Variants in DENND1A observed in about 807,000 individuals in gnomAD.
DENND1A encodes the protein DENN domain containing 1A, also known as DENN domain-containing protein 1A.
In DENND1A, 51 loss-of-function variants were observed where a neutral mutation model predicts 113.7. That is an observed-to-expected ratio of 0.45 (90% CI 0.36 to 0.57). The LOEUF (loss-of-function observed/expected upper bound fraction) is 0.57. Among genes scored for constraint, DENND1A ranks in the 20% least tolerant of loss-of-function variants. The probability of loss-of-function intolerance (pLI) is 0.00; values close to 1 mark genes in which losing one functional copy is unlikely to be tolerated. For synonymous variants in DENND1A, 565 were observed against 570.8 expected (o/e 0.99, Z 0.14); for missense variants, 1,258 against 1,395.9 (o/e 0.90, Z 1.57).
At chr9:123,798,617 A>AG (rs1453131561) in intron 2 of DENND1A, 1 of 151,886 alleles carries the variant, frequency 6.6e-6, no homozygotes, top group Admixed American at 6.6e-5. Flanking sequence ...AAGGAATATA[A>AG]GTCTGATCCT....
intron 8 of DENND1A, among the ~76,000 whole-genome samples, chr9:123,658,128 G>T (rs1424258621): frequency 1.3e-5 from 2 of 152,106 alleles, no homozygotes; most frequent in African/African-American, 4.8e-5. Flanking sequence ...TTTTGACAAA[G>T]TGGAGTCTGG....
chr9:123,552,316 G>A (rs990050987), intron 13 of DENND1A, among the ~76,000 whole-genome samples: 13 of 152,178 alleles, frequency 8.5e-5, no homozygotes, highest in East Asian at 3.9e-4. Flanking sequence ...GACAGGCACC[G>A]TGCTGGGCTT....
intron 2 of DENND1A, among the ~76,000 whole-genome samples, chr9:123,801,173 A>C (rs1318757620): frequency 6.6e-6 from 1 of 152,200 alleles, no homozygotes; most frequent in Non-Finnish European, 1.5e-5. Flanking sequence ...ATATACATAC[A>C]ATTTACTATT....
At chr9:123,646,910 G>A (rs2062367277) in intron 9 of DENND1A, among the ~76,000 whole-genome samples, 3 of 152,140 alleles carry the variant, frequency 2.0e-5, no homozygotes, top group Admixed American at 2.0e-4. Context: ...GGCCCAGGAA[G>A]CTGAGCAAAG....
intron 11 of DENND1A, among the ~76,000 whole-genome samples, chr9:123,607,032 T>C (rs188436701): frequency 6.6e-6 from 1 of 152,188 alleles, no homozygotes; most frequent in East Asian, 1.9e-4. Flanking sequence ...GGCTTGACAG[T>C]AGTGGAGAGA....
intron 2 of DENND1A, among the ~76,000 whole-genome samples, chr9:123,846,812 T>C (rs1842685062): frequency 6.6e-6 from 1 of 152,216 alleles, no homozygotes; most frequent in South Asian, 2.1e-4. Context: ...ACATAATTAA[T>C]ACCACTAAAT....
chr9:123,625,675 C>A (rs896897117), intron 10 of DENND1A, among the ~76,000 whole-genome samples: 4 of 152,194 alleles, frequency 2.6e-5, no homozygotes, highest in African/African-American at 7.2e-5. Context: ...ACCCAGGAGG[C>A]TGAGGTTGCA....
intron 3 of DENND1A, among the ~76,000 whole-genome samples, chr9:123,789,285 G>T (rs1210719294): frequency 6.6e-6 from 1 of 152,052 alleles, no homozygotes; most frequent in African/African-American, 2.4e-5. Flanking sequence ...AAATCACTTT[G>T]TCAGTAATTA....
chr9:123,496,717 G>A (rs751651672), intron 13 of DENND1A, among the ~76,000 whole-genome samples: 1 of 152,176 alleles, frequency 6.6e-6, no homozygotes, highest in African/African-American at 2.4e-5. Context: ...GTGGGTCAGC[G>A]GTGCATTCAG....
At chr9:123,771,732 T>C (rs749129472) in intron 3 of DENND1A, among the ~76,000 whole-genome samples, 9 of 152,214 alleles carry the variant, frequency 5.9e-5, no homozygotes, top group Non-Finnish European at 1.2e-4. Context: ...TCAAGAGTAA[T>C]AACCAACCTT....
chr9:123,888,855 A>G (rs1849480552), intron 1 of DENND1A, among the ~76,000 whole-genome samples: 1 of 152,042 alleles, frequency 6.6e-6, no homozygotes, highest in Admixed American at 6.6e-5. Context: ...GCTGATTTTG[A>G]TGTTTGCATT....
intron 10 of DENND1A, among the ~76,000 whole-genome samples, chr9:123,621,249 G>A (rs551959669): frequency 4.7e-5 from 7 of 149,568 alleles, no homozygotes; most frequent in Admixed American, 2.7e-4. Context: ...GCAGTGGCAC[G>A]ATCTTGGCTC....
At chr9:123,900,466 G>A (rs993790721) in intron 1 of DENND1A, among the ~76,000 whole-genome samples, 7 of 152,166 alleles carry the variant, frequency 4.6e-5, no homozygotes, top group Admixed American at 2.0e-4. Context: ...CTTCAAGTGC[G>A]GCAGGAGGGT....
intron 12 of DENND1A, among the ~76,000 whole-genome samples, chr9:123,582,334 C>T (rs1211209322): frequency 6.6e-6 from 1 of 152,130 alleles, no homozygotes; most frequent in East Asian, 1.9e-4. Flanking sequence ...ACACTAAGGT[C>T]ACTTCACAGT....
At chr9:123,454,671 G>C in intron 16 of DENND1A, 68 bp downstream of exon 16, 1 of 1,477,906 alleles carries the variant, frequency 6.8e-7, no homozygotes, top group South Asian at 1.2e-5. Flanking sequence ...GGGAAGCACA[G>C]GGAAGCGGAA....
chr9:123,634,768 C>A (rs2061627735), intron 9 of DENND1A, among the ~76,000 whole-genome samples: 1 of 152,222 alleles, frequency 6.6e-6, no homozygotes, highest in Non-Finnish European at 1.5e-5. Context: ...AATTATCAAT[C>A]TCATTTAATG....
intron 2 of DENND1A, among the ~76,000 whole-genome samples, chr9:123,799,692 T>C (rs902838527): frequency 1.3e-5 from 2 of 152,206 alleles, no homozygotes; most frequent in Non-Finnish European, 2.9e-5. Context: ...CTTAACTTTG[T>C]CTCCTACAAA....
intron 13 of DENND1A, among the ~76,000 whole-genome samples, chr9:123,549,070 T>A (rs1321394333): frequency 5.9e-5 from 9 of 152,228 alleles, no homozygotes. Context: ...TCTTATGTTA[T>A]ATGTATTTTT....
intron 5 of DENND1A, among the ~76,000 whole-genome samples, chr9:123,755,944 C>T (rs1181416735): frequency 6.6e-6 from 1 of 152,114 alleles, no homozygotes; most frequent in African/African-American, 2.4e-5. Flanking sequence ...GAGTTTCGCT[C>T]TTGTCACTCA....
Sources: gnomAD v4.1 joint callset for allele counts (sites outside exome capture counted in the v4.1 genomes callset) on GRCh38, gnomAD v4.1.1 for gene constraint, MANE v1.5 for transcripts, NCBI Gene and HGNC (gene_info 2026-07-23, HGNC 2026-07-21) for gene names.